ACOT7: variants seen among roughly 807,000 people sequenced by gnomAD.
ACOT7 encodes acyl-CoA thioesterase 7.
In ACOT7, 12 loss-of-function variants were observed where a neutral mutation model predicts 40.2. The observed-to-expected ratio is 0.30, with a 90% CI of 0.19 to 0.48. ACOT7 has a LOEUF of 0.48. ACOT7 is among the 20% of genes least tolerant of loss of function. The probability of loss-of-function intolerance (pLI) is 0.99; values close to 1 mark genes in which losing one functional copy is unlikely to be tolerated. For synonymous variants in ACOT7, 228 were observed against 219.5 expected (o/e 1.04, Z -0.34); for missense variants, 395 against 530.8 (o/e 0.74, Z 2.51).
Position 6,288,772 on chromosome 1 carries a change from C to G in ACOT7, c.829+6092G>C, listed in dbSNP as rs563368991. ...CCGCGGGTGAGGCCTCTCCCAGCCA[C>G]GACAAGTGCCCCAAGTTCGTAAGTT... On this transcript the variant is annotated intron_variant, in intron 7 of 8. Coordinates refer to ENST00000361521, the MANE Select transcript of ACOT7 (RefSeq NM_007274.4). This position sits in a 1 kb window ranked among gnomAD's most constrained non-coding sequence, Gnocchi z 4.3. Among the ~76,000 whole-genome samples the G allele has an allele frequency of 1.3e-5, 2 of 152,194 alleles. No homozygotes were observed. Among genetic ancestry groups the G allele is most frequent in the South Asian group, 2.1e-4 (1 of 4,834 alleles).
At chr1:6,385,513 C>T (rs1378987274) in intron 1 of ACOT7, 1 of 1,611,394 alleles carries the variant, frequency 6.2e-7, no homozygotes. Flanking sequence ...ATGCAGGCTC[C>T]ACAGGGTGGG....
intron 6 of ACOT7, 141 bp from the exon 7 acceptor site, chr1:6,295,121 C>T (rs377658886): frequency 3.6e-4 from 189 of 531,674 alleles, no homozygotes; most frequent in East Asian, 1.9e-3. Flanking sequence ...GCAGGGTGCT[C>T]GGCCGCACGT....
intron 8 of ACOT7, among the ~76,000 whole-genome samples, chr1:6,280,601 G>A (rs1639326951): frequency 6.6e-6 from 1 of 152,180 alleles, no homozygotes; most frequent in East Asian, 1.9e-4. Flanking sequence ...CACCAGCCTG[G>A]CTTGGTCTCA....
At chr1:6,264,796 T>A in intron 8 of ACOT7, 101 bp from the exon 9 acceptor site, 2 of 1,253,046 alleles carry the variant, frequency 1.6e-6, no homozygotes, top group Non-Finnish European at 2.2e-6. Context: ...CCGTGGGATC[T>A]GCCCCACCCC....
In ACOT7 at chr1:6,349,788, G is replaced by A. The variant is rs140259918; in HGVS notation, c.222C>T (p.Gly74=). 5.1e-5 allele frequency: 82 copies of A among 1,613,938 alleles called. No homozygotes were observed. The highest frequency in any genetic ancestry group is 3.3e-4 in the Middle Eastern group (2 of 6,082). The part of the protein sequence containing the change: ...GTILKMIEEA[G]AIISTRHCNS... ...TGCAATGCCGGGTGCTGATGATGGC[G>A]CCTGCCTCCTCGATCATCTTCAGGA... Residue 74 remains glycine (G), a synonymous_variant, in exon 2 of 9, where the codon GGC becomes GGT. Coordinates refer to ENST00000361521, the MANE Select transcript of ACOT7 (RefSeq NM_007274.4).
intron 6 of ACOT7, among the ~76,000 whole-genome samples, chr1:6,316,389 T>C (rs1640495349): frequency 1.3e-5 from 2 of 152,244 alleles, no homozygotes; most frequent in African/African-American, 4.8e-5. Context: ...AGTGCTGTTA[T>C]AAAGCACAGC....
chr1:6,318,725 T>C, intron 5 of ACOT7, 147 bp from the exon 6 acceptor site: 2 of 766,794 alleles, frequency 2.6e-6, no homozygotes, highest in South Asian at 1.6e-5. Flanking sequence ...TAAGGAAAAC[T>C]ATGGTCTCCA....
intron 2 of ACOT7, among the ~76,000 whole-genome samples, chr1:6,342,299 T>A (rs1026145275): frequency 6.6e-6 from 1 of 151,816 alleles, no homozygotes; most frequent in Non-Finnish European, 1.5e-5. Flanking sequence ...CCCACCCCCA[T>A]ACCCTCGTCA....
intron 7 of ACOT7, among the ~76,000 whole-genome samples, chr1:6,290,142 G>A (rs1389491945): frequency 3.3e-5 from 5 of 152,178 alleles, no homozygotes; most frequent in Non-Finnish European, 5.9e-5. Flanking sequence ...ACCATGAGCC[G>A]AGGAATGTGG....
chr1:6,323,737 A>AT (rs70981381), intron 5 of ACOT7, among the ~76,000 whole-genome samples: 289 of 38,268 alleles, frequency 7.6e-3, no homozygotes, highest in Non-Finnish European at 0.012. Flanking sequence ...AAAAAAAAAA[A>AT]ATATATATAT....
chr1:6,303,065 C>T (rs1402573329), intron 6 of ACOT7, among the ~76,000 whole-genome samples: 1 of 152,228 alleles, frequency 6.6e-6, no homozygotes, highest in Non-Finnish European at 1.5e-5. Flanking sequence ...GCCACTGTCT[C>T]CCTTTCACTT....
intron 2 of ACOT7, among the ~76,000 whole-genome samples, chr1:6,340,993 G>A (rs7527041): frequency 1.3e-5 from 2 of 151,686 alleles, no homozygotes; most frequent in East Asian, 2.0e-4. Flanking sequence ...CTGAGATTGC[G>A]CCACTGCACT....
At chr1:6,316,016 A>G (rs1006271684) in intron 6 of ACOT7, among the ~76,000 whole-genome samples, 1 of 151,950 alleles carries the variant, frequency 6.6e-6, no homozygotes, top group African/African-American at 2.4e-5. Context: ...TTCAGCACAT[A>G]AAGAAAGAAA....
Position 6,393,552 on chromosome 1 carries a change from G to C in ACOT7, c.-153C>G, listed in dbSNP as rs1571362281. 1 of 644,188 alleles carries C rather than the reference G, an allele frequency of 1.6e-6. No homozygotes were observed. The highest frequency in any genetic ancestry group is 8.0e-5 in the South Asian group (1 of 12,536). 39.9% of individuals were successfully genotyped at this position (644,188 alleles called of 1,614,324 possible). A position where few individuals can be genotyped will look rare whatever the true frequency, so the allele number is the denominator to read the frequency against. On this transcript the variant is annotated 5_prime_UTR_variant, in exon 1 of 9. Coordinates refer to ENST00000361521, the MANE Select transcript of ACOT7 (RefSeq NM_007274.4). ...AGGCCGCCAAGGCTGCAGAGAGCTC[G>C]CGCGGGCGTACGATTCTGGCGGCGT...
At chr1:6,340,311 GC>G (rs1344692735) in intron 2 of ACOT7, among the ~76,000 whole-genome samples, 3 of 152,226 alleles carry the variant, frequency 2.0e-5, no homozygotes, top group African/African-American at 7.2e-5. Context: ...ATGTAGAGGA[GC>G]CCTGCAGAGT....
chr1:6,277,410 T>A (rs1639226709), intron 8 of ACOT7, among the ~76,000 whole-genome samples: 1 of 152,244 alleles, frequency 6.6e-6, no homozygotes, highest in Non-Finnish European at 1.5e-5. Flanking sequence ...TATTGGGAGA[T>A]GCCCCAGGGC....
chr1:6,351,306 G>A (rs1641584395), intron 1 of ACOT7, among the ~76,000 whole-genome samples: 1 of 152,250 alleles, frequency 6.6e-6, no homozygotes, highest in Admixed American at 6.5e-5. Flanking sequence ...TGCCTGTGGA[G>A]CGGCCGGCAC....
chr1:6,310,392 TC>T (rs1640297301), intron 6 of ACOT7, among the ~76,000 whole-genome samples: 1 of 152,160 alleles, frequency 6.6e-6, no homozygotes, highest in Non-Finnish European at 1.5e-5. Flanking sequence ...CCAGGCCCAT[TC>T]CCCAGCCACC....
chr1:6,281,421 A>G, intron 7 of ACOT7, 135 bp from the exon 8 acceptor site: 1 of 708,728 alleles, frequency 1.4e-6, no homozygotes, highest in Non-Finnish European at 2.5e-6. Context: ...AGATGTTCAA[A>G]TAACAGAATA....
Sources: allele counts gnomAD v4.1 joint callset (sites outside exome capture counted in the v4.1 genomes callset), GRCh38; gene constraint gnomAD v4.1.1; non-coding constraint Gnocchi (gnomAD v3.1); transcripts MANE v1.5; gene names NCBI Gene and HGNC (gene_info 2026-07-23, HGNC 2026-07-21).